TCF12: variants seen among roughly 807,000 people sequenced by gnomAD.
TCF12 encodes transcription factor 12.
In TCF12, 45 loss-of-function variants were observed where a neutral mutation model predicts 86.0. The ratio of observed to expected loss-of-function variants is 0.52; its 90% CI spans 0.41 to 0.67. TCF12 has a LOEUF of 0.67. TCF12 is among the 30% of genes least tolerant of loss of function. The pLI, the probability that TCF12 is intolerant of heterozygous loss-of-function variation, is 0.00. For missense variants in TCF12, 881 were observed against 859.9 expected, an observed-to-expected ratio of 1.02 and a Z score of -0.31; for synonymous variants, 330 against 299.6, an observed-to-expected ratio of 1.10 and a Z score of -1.05.
rs117534990 is a variant in TCF12 at position 57,053,858 on chromosome 15, G to A, written c.149-9892G>A. 9.8e-3 allele frequency among the ~76,000 whole-genome samples: 1,491 copies of A among 152,230 alleles called. 14 individuals are homozygous for A. Among genetic ancestry groups the A allele is most frequent in the Middle Eastern group, 0.027 (8 of 294 alleles). ...AAGAGTTATATTTTATGACGAGGAC[G>A]GCTTTGATGACCTGAAAGAGTTTAG... On this transcript the variant is annotated intron_variant, in intron 3 of 20. Transcript: ENST00000333725.
chr15:56,971,289 G>A (rs571409749), intron 3 of TCF12, among the ~76,000 whole-genome samples: 5 of 152,074 alleles, frequency 3.3e-5, no homozygotes, highest in African/African-American at 1.2e-4. Context: ...TTAGCTGGGC[G>A]TGGTAGTGGG....
intron 5 of TCF12, among the ~76,000 whole-genome samples, chr15:57,096,770 A>G (rs1159980354): frequency 6.6e-6 from 1 of 152,174 alleles, no homozygotes; most frequent in East Asian, 1.9e-4. Context: ...CAGATGTGGA[A>G]CCCACAGATA....
At chr15:57,050,122 A>G (rs1417809824) in intron 3 of TCF12, among the ~76,000 whole-genome samples, 1 of 152,160 alleles carries the variant, frequency 6.6e-6, no homozygotes. Context: ...ACCTCTTCCT[A>G]TTCTTTGTCA....
intron 13 of TCF12, among the ~76,000 whole-genome samples, chr15:57,248,747 A>C (rs1257177008): frequency 6.6e-6 from 1 of 152,202 alleles, no homozygotes; most frequent in Non-Finnish European, 1.5e-5. Flanking sequence ...AAGTGTATGT[A>C]TATTTTTTTC....
intron 5 of TCF12, among the ~76,000 whole-genome samples, chr15:57,142,682 A>T (rs935272650): frequency 1.3e-5 from 2 of 152,208 alleles, no homozygotes; most frequent in African/African-American, 4.8e-5. Flanking sequence ...CTTATCAACT[A>T]AAGTGGGAAA....
chr15:57,183,279 T>C (rs1260626533), intron 6 of TCF12, among the ~76,000 whole-genome samples: 1 of 152,220 alleles, frequency 6.6e-6, no homozygotes, highest in Non-Finnish European at 1.5e-5. Context: ...CTACTCATTC[T>C]GCGTGTATGA....
In TCF12 at chr15:57,072,534, A is replaced by G. The variant is rs2069490904; in HGVS notation, c.222+8711A>G. The G allele has an allele frequency of 2.5e-5, 11 of 448,440 alleles. No homozygotes were observed. The South Asian group carries it at 3.3e-4, about 13-fold the overall frequency. The allele number at this position is 448,440 out of a possible 1,614,324, so 27.8% of individuals were successfully genotyped here. A position where few individuals can be genotyped will look rare whatever the true frequency, so the allele number is the denominator to read the frequency against. Reference sequence around the variant, plus strand: ...ATTTTCTCAAAATTGTGTGTTTGCTATTGTTTTTATTTTTGAAGGGGAAAA... The same window carrying G: ...ATTTTCTCAAAATTGTGTGTTTGCTGTTGTTTTTATTTTTGAAGGGGAAAA... On this transcript the variant is annotated intron_variant, in intron 4 of 20. Transcript: ENST00000333725.
At chr15:56,956,868 T>G (rs116728617) in intron 3 of TCF12, among the ~76,000 whole-genome samples, 1,755 of 152,276 alleles carry the variant, frequency 0.012, 30 homozygotes, top group African/African-American at 0.039. Context: ...TCATGTTTCT[T>G]TTGCTTGGTA....
chr15:57,170,675 AATATAT>A (rs2055300881), intron 6 of TCF12, among the ~76,000 whole-genome samples: 6 of 9,458 alleles, frequency 6.3e-4, no homozygotes, highest in Middle Eastern at 0.05. Context: ...ATATATATAT[AATATAT>A]TATATATAAT....
chr15:56,962,132 CA>C (rs397853683), intron 3 of TCF12, among the ~76,000 whole-genome samples: 10,174 of 63,004 alleles, frequency 0.16, 341 homozygotes, highest in East Asian at 0.33. Context: ...GACTCCGTCT[CA>C]AAAAAAAAAA....
At chr15:56,945,600 C>G (rs1388553829) in intron 3 of TCF12, among the ~76,000 whole-genome samples, 1 of 151,142 alleles carries the variant, frequency 6.6e-6, no homozygotes, top group Non-Finnish European at 1.5e-5. Context: ...CATTATTTTT[C>G]AAGTCTGCAA....
intron 5 of TCF12, among the ~76,000 whole-genome samples, chr15:57,163,090 C>G (rs1266516642): frequency 6.6e-6 from 1 of 152,044 alleles, no homozygotes; most frequent in Non-Finnish European, 1.5e-5. Context: ...AGGAGAATCA[C>G]TCCAACCCAG....
chr15:56,963,965 T>G (rs1482300953), intron 3 of TCF12, among the ~76,000 whole-genome samples: 1 of 152,196 alleles, frequency 6.6e-6, no homozygotes, highest in Non-Finnish European at 1.5e-5. Context: ...CTGGGTGTGT[T>G]GACAGGAAAG....
At chr15:56,970,702 G>C (rs1367496047) in intron 3 of TCF12, among the ~76,000 whole-genome samples, 1 of 151,722 alleles carries the variant, frequency 6.6e-6, no homozygotes, top group Non-Finnish European at 1.5e-5. Context: ...TTAAAGATAA[G>C]ACTTTTGCAT....
chr15:56,938,410 C>G (rs1323192739), intron 3 of TCF12, among the ~76,000 whole-genome samples: 3 of 152,082 alleles, frequency 2.0e-5, no homozygotes, highest in Admixed American at 2.0e-4. Flanking sequence ...CCCCCTGCCT[C>G]AGCCTCCCAA....
chr15:57,044,808 A>G (rs532125115), intron 3 of TCF12, among the ~76,000 whole-genome samples: 2 of 152,318 alleles, frequency 1.3e-5, no homozygotes, highest in East Asian at 3.9e-4. Flanking sequence ...TTCCATACAA[A>G]TACATGTTTT....
At chr15:57,202,764 G>C (rs2057612852) in intron 8 of TCF12, among the ~76,000 whole-genome samples, 1 of 152,018 alleles carries the variant, frequency 6.6e-6, no homozygotes, top group South Asian at 2.1e-4. Flanking sequence ...TGTAACCTTG[G>C]AGAAGTTGCT....
At chr15:57,040,679 C>T (rs928825245) in intron 3 of TCF12, among the ~76,000 whole-genome samples, 47 of 152,226 alleles carry the variant, frequency 3.1e-4, no homozygotes, top group Middle Eastern at 3.4e-3. Flanking sequence ...CTCAGAATAT[C>T]GAGAATATCT....
chr15:57,099,631 T>G (rs2049585352), intron 5 of TCF12, among the ~76,000 whole-genome samples: 1 of 152,214 alleles, frequency 6.6e-6, no homozygotes, highest in South Asian at 2.1e-4. Context: ...ATTTGAATCT[T>G]GTTGATTTAG....
Sources: gnomAD v4.1 joint callset for allele counts (sites outside exome capture counted in the v4.1 genomes callset) on GRCh38, gnomAD v4.1.1 for gene constraint, MANE v1.5 for transcripts, NCBI Gene and HGNC (gene_info 2026-07-23, HGNC 2026-07-21) for gene names.